Variants in SLC12A1 observed in about 807,000 individuals in gnomAD.
The protein encoded by SLC12A1 is solute carrier family 12 member 1, also known as Na-K-2Cl cotransporter.
Under a neutral mutation model 130.4 loss-of-function variants are expected in SLC12A1, and 89 were observed. That is an observed-to-expected ratio of 0.68 (90% CI 0.58 to 0.81). The LOEUF is 0.81. SLC12A1 is among the 40% of genes least tolerant of loss of function. SLC12A1 has a pLI of 0.00. For missense variants in SLC12A1, 1,310 were observed against 1,336.4 expected (o/e 0.98, Z 0.31); for synonymous variants, 499 against 460.0 (o/e 1.08, Z -1.09).
chr15:48,302,094 C>T (rs2042238932), intron 26 of SLC12A1, among the ~76,000 whole-genome samples: 1 of 152,032 alleles, frequency 6.6e-6, no homozygotes, highest in Non-Finnish European at 1.5e-5. Flanking sequence ...GAGGTTTTTC[C>T]CAAATATAAG....
chr15:48,230,343 T>C (rs1335966304), intron 6 of SLC12A1, 50 bp from the exon 7 acceptor site: 1 of 1,101,642 alleles, frequency 9.1e-7, no homozygotes, highest in Non-Finnish European at 1.4e-6. Flanking sequence ...GCAATAAGAC[T>C]CACATGCAAA....
chr15:48,216,772 T>C (rs545710348), intron 2 of SLC12A1, among the ~76,000 whole-genome samples: 4 of 152,356 alleles, frequency 2.6e-5, no homozygotes, highest in African/African-American at 9.6e-5. Flanking sequence ...CCTGCTCTCA[T>C]TGATTATACA....
At position 48,267,661 on chromosome 15, in the gene SLC12A1, C is replaced by T. The variant is rs137893258; in HGVS notation, c.2255C>T (p.Ala752Val). ...ATCAAGGCTTTTTATGCTGCAGTGGCGGCAGACTGTTTCAGGGATGGTGTC... is the reference window on the plus strand; with the variant it reads ...ATCAAGGCTTTTTATGCTGCAGTGGTGGCAGACTGTTTCAGGGATGGTGTC... The part of the protein sequence containing the change: ...NKIKAFYAAV[A>V]ADCFRDGVRS... Residue 752 changes from alanine (A) to valine (V), a missense_variant, in exon 18 of 27, where the codon GCG (alanine) becomes GTG (valine). Transcript: ENST00000380993. 1.4e-3 allele frequency: 2,299 copies of T among 1,613,410 alleles called. 5 individuals are homozygous for T. Among genetic ancestry groups the T allele is most frequent in the South Asian group, 1.9e-3 (171 of 91,056 alleles).
chr15:48,231,266 CACTGATATTCACCTGTG>C (rs2041373750), intron 7 of SLC12A1, among the ~76,000 whole-genome samples: 1 of 152,212 alleles, frequency 6.6e-6, no homozygotes, highest in Non-Finnish European at 1.5e-5. Context: ...TTCTTCTAGG[CACTGATATTCACCTGTG>C]ACCAAAACAG....
chr15:48,299,147 G>C lies in SLC12A1; in HGVS notation c.2968G>C (p.Val990Leu). 1 of 1,601,870 alleles carries C rather than the reference G, an allele frequency of 6.2e-7. No homozygotes were observed. The part of the protein sequence containing the change: ...NIRPNKESWK[V>L]FEEMIEPYRL... ...TTATAATTCAAATTTTAGCTGGAAA[G>C]TCTTTGAAGAGATGATTGAACCATA... The change falls in exon 25 of 27, where the codon GTC becomes CTC. Residue 990 changes from valine (V) to leucine (L), a missense_variant. Coordinates refer to ENST00000380993, the MANE Select transcript of SLC12A1 (RefSeq NM_000338.3).
chr15:48,239,270 G>T (rs1316884354), intron 9 of SLC12A1, among the ~76,000 whole-genome samples: 1 of 152,042 alleles, frequency 6.6e-6, no homozygotes, highest in African/African-American at 2.4e-5. Flanking sequence ...GCAGCACTTT[G>T]GGAGGCCCAG....
chr15:48,210,547 A>C (rs1348512586), intron 2 of SLC12A1, among the ~76,000 whole-genome samples: 4 of 152,140 alleles, frequency 2.6e-5, no homozygotes, highest in Non-Finnish European at 4.4e-5. Flanking sequence ...GCTCTGAAGG[A>C]ACAGGTGTTT....
intron 17 of SLC12A1, among the ~76,000 whole-genome samples, chr15:48,266,993 T>TA (rs2041838266): frequency 6.6e-6 from 1 of 152,202 alleles, no homozygotes; most frequent in Non-Finnish European, 1.5e-5. Context: ...AATGTTAATG[T>TA]ATTTGAATGG....
intron 17 of SLC12A1, among the ~76,000 whole-genome samples, chr15:48,259,902 A>T (rs1376316129): frequency 6.6e-6 from 1 of 152,186 alleles, no homozygotes; most frequent in African/African-American, 2.4e-5. Context: ...AGGTATTCAA[A>T]ACTGGTGCTA....
intron 2 of SLC12A1, among the ~76,000 whole-genome samples, chr15:48,215,803 A>G (rs1270705659): frequency 2.6e-5 from 4 of 152,268 alleles, no homozygotes; most frequent in Non-Finnish European, 5.9e-5. Context: ...GCCTTAGAGT[A>G]AATTACTTCA....
intron 14 of SLC12A1, among the ~76,000 whole-genome samples, chr15:48,250,676 T>TCACACACACACACACA (rs56705329): frequency 0.064 from 9,268 of 145,844 alleles, 664 homozygotes; most frequent in African/African-American, 0.17. Flanking sequence ...AATGTCTGCC[T>TCACACACACACACACA]CACACACACA....
At chr15:48,273,887 A>T (rs1303867728) in intron 19 of SLC12A1, among the ~76,000 whole-genome samples, 1 of 152,218 alleles carries the variant, frequency 6.6e-6, no homozygotes, top group African/African-American at 2.4e-5. Context: ...TCAAAGTATT[A>T]ATTGACTTGC....
intron 17 of SLC12A1, among the ~76,000 whole-genome samples, chr15:48,262,608 G>A (rs2041787732): frequency 6.6e-6 from 1 of 151,954 alleles, no homozygotes; most frequent in South Asian, 2.1e-4. Flanking sequence ...TCTTCATCAG[G>A]GTAAATTTGG....
chr15:48,297,277 A>G (rs2042186650), intron 24 of SLC12A1, among the ~76,000 whole-genome samples: 1 of 152,222 alleles, frequency 6.6e-6, no homozygotes, highest in African/African-American at 2.4e-5. Context: ...CTCAGGGTCC[A>G]GGGCTCCTTT....
chr15:48,257,896 G>GT (rs1216207199), intron 16 of SLC12A1, among the ~76,000 whole-genome samples: 4 of 152,188 alleles, frequency 2.6e-5, no homozygotes, highest in African/African-American at 9.6e-5. Flanking sequence ...CCAGAACATG[G>GT]TTTTTTCCTT....
chr15:48,301,422 A>G, intron 26 of SLC12A1, 40 bp downstream of exon 26: 1 of 1,391,104 alleles, frequency 7.2e-7, no homozygotes, highest in Non-Finnish European at 9.9e-7. Flanking sequence ...TTAGAAATAA[A>G]TCTTAGGGTT....
At chr15:48,256,549 G>T (rs1276532482) in intron 16 of SLC12A1, among the ~76,000 whole-genome samples, 1 of 152,154 alleles carries the variant, frequency 6.6e-6, no homozygotes, top group Admixed American at 6.5e-5. Context: ...TGCTGAGGAG[G>T]CCTCACAATC....
rs921286165 is a variant in SLC12A1, at chr15:48,244,692, T to C, written c.1301-61T>C. On this transcript the variant is annotated intron_variant, in intron 10 of 26. Coordinates refer to ENST00000380993, the MANE Select transcript of SLC12A1 (RefSeq NM_000338.3). ...GTCTCAAAGTAAACTACGTTTTCAGTAGAAAACCGTAAGGGACCAGAACTT... is the reference window on the plus strand; with the variant it reads ...GTCTCAAAGTAAACTACGTTTTCAGCAGAAAACCGTAAGGGACCAGAACTT... 360 of 1,539,646 alleles carry C rather than the reference T, an allele frequency of 2.3e-4. 2 individuals carry two copies. The highest frequency in any genetic ancestry group is 1.4e-3 in the Middle Eastern group (8 of 5,898).
chr15:48,220,619 A>C lies in SLC12A1; in HGVS notation c.421-15A>C, dbSNP rs148912103. 1.2e-6 allele frequency: 2 copies of C among 1,609,556 alleles called. No individual in the cohort carries two copies. The highest frequency in any genetic ancestry group is 2.7e-5 in the African/African-American group (2 of 74,826). On this transcript the variant is annotated splice_polypyrimidine_tract_variant and intron_variant, in intron 2 of 26. Coordinates refer to ENST00000380993, the MANE Select transcript of SLC12A1 (RefSeq NM_000338.3). ...ATTGACCAACTACTGTGTTTTTGCT[A>C]TCTATAAAATGCAGAATGTGGCAGT...
Sources: gnomAD v4.1 joint callset for allele counts (sites outside exome capture counted in the v4.1 genomes callset) on GRCh38, gnomAD v4.1.1 for gene constraint, MANE v1.5 for transcripts, NCBI Gene and HGNC (gene_info 2026-07-23, HGNC 2026-07-21) for gene names.